The following MARCHF1 variants were observed in gnomAD, a reference collection of about 807,000 sequenced individuals.
MARCHF1 encodes E3 ubiquitin-protein ligase MARCHF1.
MARCHF1 carries 40 observed loss-of-function variants against 54.2 expected under a neutral mutation model. The ratio of observed to expected loss-of-function variants is 0.74; its 90% CI spans 0.57 to 0.96. The LOEUF is 0.96. Among genes scored for constraint, MARCHF1 ranks in the 40% least tolerant of loss-of-function variants. The probability of loss-of-function intolerance (pLI) is 0.00; values close to 1 mark genes in which losing one functional copy is unlikely to be tolerated. For missense variants in MARCHF1, 586 were observed against 656.5 expected, an observed-to-expected ratio of 0.89 and a Z score of 1.17; for synonymous variants, 236 against 236.3, an observed-to-expected ratio of 1.00 and a Z score of 0.01.
At chr4:163,905,071 A>C (rs776817892) in intron 3 of MARCHF1, among the ~76,000 whole-genome samples, 1 of 152,098 alleles carries the variant, frequency 6.6e-6, no homozygotes, top group Admixed American at 6.6e-5. Context: ...AAAGGCATCA[A>C]GTATGGTGGA....
At chr4:163,899,090 T>C (rs529565418) in intron 3 of MARCHF1, among the ~76,000 whole-genome samples, 1 of 152,326 alleles carries the variant, frequency 6.6e-6, no homozygotes, top group South Asian at 2.1e-4. Context: ...ATTTGGGTGA[T>C]ACCTGCACTG....
chr4:163,900,961 G>A (rs1169887508), intron 3 of MARCHF1, among the ~76,000 whole-genome samples: 4 of 152,172 alleles, frequency 2.6e-5, no homozygotes, highest in Admixed American at 2.6e-4. Flanking sequence ...AATGTCAGAT[G>A]TTTATGGCAG....
chr4:163,581,976 A>G (rs76093522), intron 8 of MARCHF1, among the ~76,000 whole-genome samples: 2,858 of 152,312 alleles, frequency 0.019, 81 homozygotes, highest in African/African-American at 0.064. Flanking sequence ...GTTTCTATAT[A>G]GAGTATTACA....
At chr4:164,190,456 A>G in intron 1 of MARCHF1, 1 of 378,032 alleles carries the variant, frequency 2.6e-6, no homozygotes, top group Non-Finnish European at 4.7e-6. Context: ...AGTGGAGTTG[A>G]AAATGCTATA....
At chr4:163,765,562 T>G (rs980043449) in intron 4 of MARCHF1, among the ~76,000 whole-genome samples, 1 of 152,056 alleles carries the variant, frequency 6.6e-6, no homozygotes, top group African/African-American at 2.4e-5. Flanking sequence ...ACATACTTTG[T>G]TAGTATTTAT....
intron 1 of MARCHF1, among the ~76,000 whole-genome samples, chr4:164,354,140 G>C (rs1464361442): frequency 1.0e-5 from 1 of 98,014 alleles, no homozygotes; most frequent in African/African-American, 3.6e-5. Flanking sequence ...CAACCAAAAA[G>C]AGTCCAGGAC....
chr4:164,211,378 G>GTA (rs967547572), intron 1 of MARCHF1, among the ~76,000 whole-genome samples: 4 of 140,948 alleles, frequency 2.8e-5, no homozygotes, highest in African/African-American at 1.0e-4. Flanking sequence ...CTGCATATTT[G>GTA]TATATATATA....
At position 163,914,909 on chromosome 4, in the gene MARCHF1, T is replaced by C. The variant is rs749350993; in HGVS notation, c.-38-60740A>G. ...TTGCATAATAACCATGTTGAATACTTCGAGCTGCCGTGTTTTATAAACAGC... is the reference window on the plus strand; with the variant it reads ...TTGCATAATAACCATGTTGAATACTCCGAGCTGCCGTGTTTTATAAACAGC... On this transcript the variant is annotated intron_variant, in intron 3 of 9. Transcript: ENST00000514618. 7.9e-4 allele frequency among the ~76,000 whole-genome samples: 120 copies of C among 152,142 alleles called. 3 individuals carry two copies. The highest frequency in any genetic ancestry group is 5.2e-4 in the Admixed American group (8 of 15,258).
At chr4:164,308,798 A>C (rs1010115014) in intron 1 of MARCHF1, among the ~76,000 whole-genome samples, 2 of 152,026 alleles carry the variant, frequency 1.3e-5, no homozygotes, top group African/African-American at 2.4e-5. Context: ...ACTCAAACCC[A>C]CTTGAGGGTG....
intron 5 of MARCHF1, among the ~76,000 whole-genome samples, chr4:163,685,898 T>C (rs1744255448): frequency 6.6e-6 from 1 of 152,222 alleles, no homozygotes; most frequent in Non-Finnish European, 1.5e-5. Flanking sequence ...CACTTTGATC[T>C]GTGGACAAAT....
intron 5 of MARCHF1, among the ~76,000 whole-genome samples, chr4:163,671,266 T>A (rs1743726806): frequency 6.6e-6 from 1 of 152,220 alleles, no homozygotes; most frequent in African/African-American, 2.4e-5. Flanking sequence ...TGCCTTTTAT[T>A]TTCAGGAAAA....
At chr4:164,138,441 A>C (rs1261750376) in intron 1 of MARCHF1, among the ~76,000 whole-genome samples, 1 of 152,148 alleles carries the variant, frequency 6.6e-6, no homozygotes, top group African/African-American at 2.4e-5. Context: ...CAAGGGAGCT[A>C]GGCCTGACCT....
chr4:163,558,099 ACTGAGATGACTGAGTGT>A (rs2110965679), intron 8 of MARCHF1, among the ~76,000 whole-genome samples: 1 of 152,294 alleles, frequency 6.6e-6, no homozygotes, highest in South Asian at 2.1e-4. Context: ...GTCTGAAGAA[ACTGAGATGACTGAGTGT>A]CTGAGCATGA....
chr4:163,588,877 A>C (rs1239024087), intron 7 of MARCHF1, among the ~76,000 whole-genome samples: 1 of 152,150 alleles, frequency 6.6e-6, no homozygotes, highest in Non-Finnish European at 1.5e-5. Flanking sequence ...CACACACGTG[A>C]TTCTGAGTTA....
At chr4:164,202,764 A>G (rs1376665594) in intron 1 of MARCHF1, among the ~76,000 whole-genome samples, 1 of 152,170 alleles carries the variant, frequency 6.6e-6, no homozygotes, top group Non-Finnish European at 1.5e-5. Flanking sequence ...ATTTCCTACT[A>G]TTTGCTTACG....
intron 4 of MARCHF1, among the ~76,000 whole-genome samples, chr4:163,800,254 C>A (rs1748042186): frequency 6.6e-6 from 1 of 151,892 alleles, no homozygotes; most frequent in Admixed American, 6.6e-5. Flanking sequence ...TACATGTACT[C>A]CTTGAGTCTA....
chr4:164,370,669 G>A (rs1410837972), intron 1 of MARCHF1, among the ~76,000 whole-genome samples: 3 of 152,194 alleles, frequency 2.0e-5, no homozygotes, highest in Non-Finnish European at 4.4e-5. Context: ...AGCACTTTGG[G>A]AAGCCCAGGC....
intron 3 of MARCHF1, among the ~76,000 whole-genome samples, chr4:163,969,880 C>T (rs1282637705): frequency 6.6e-6 from 1 of 152,176 alleles, no homozygotes; most frequent in Admixed American, 6.5e-5. Context: ...GCAGCAAACA[C>T]AGTCTCAAAA....
At chr4:164,232,943 A>G (rs76712903) in intron 1 of MARCHF1, among the ~76,000 whole-genome samples, 3,158 of 152,254 alleles carry the variant, frequency 0.021, 97 homozygotes, top group East Asian at 0.12. Context: ...TCTCAACACT[A>G]TAACTACCTG....
Sources: allele counts gnomAD v4.1 joint callset (sites outside exome capture counted in the v4.1 genomes callset), GRCh38; gene constraint gnomAD v4.1.1; transcripts MANE v1.5; gene names NCBI Gene and HGNC (gene_info 2026-07-23, HGNC 2026-07-21).